PC: variants seen among roughly 807,000 people sequenced by gnomAD.
The protein encoded by PC is pyruvate carboxylase.
A neutral mutation model predicts 107.8 loss-of-function variants in PC; 46 were observed. The ratio of observed to expected loss-of-function variants is 0.43; its 90% confidence interval spans 0.34 to 0.55. The LOEUF (loss-of-function observed/expected upper bound fraction) is 0.55. PC is among the 20% of genes least tolerant of loss of function. The probability of loss-of-function intolerance (pLI) is 0.04; values close to 1 mark genes in which losing one functional copy is unlikely to be tolerated. For synonymous variants in PC, 662 were observed against 684.7 expected, an observed-to-expected ratio of 0.97 and a Z score of 0.52; for missense variants, 1,241 against 1,643.1, an observed-to-expected ratio of 0.76 and a Z score of 4.23.
chr11:66,895,233 T>C (rs1215898793), intron 3 of PC, among the ~76,000 whole-genome samples: 1 of 151,990 alleles, frequency 6.6e-6, no homozygotes, highest in East Asian at 1.9e-4. Flanking sequence ...CTTTGCATGC[T>C]ACCCCCTTCC....
Position 66,870,834 on chromosome 11 carries a change from C to T in PC, c.692G>A (p.Gly231Glu). ...GATGAACTTCTCCACAAACAGCGCC[C>T]CATTCCCAAAGGCGGCCAGAGCCTC... ...YSEALAAFGN[G>E]ALFVEKFIEK... The change falls in exon 8 of 23, where the codon GGG (glycine) becomes GAG (glutamate). Residue 231 changes from glycine (G) to glutamate (E), a missense_variant. Transcript: ENST00000393960. This position sits in a 1 kb window ranked among gnomAD's most constrained non-coding sequence, Gnocchi z 6.1. 1 of 1,613,750 alleles carries T rather than the reference C, an allele frequency of 6.2e-7. No homozygotes were observed. The highest frequency in any genetic ancestry group is 8.5e-7 in the Non-Finnish European group (1 of 1,179,998).
At chr11:66,929,145 A>G (rs1429570762) in intron 3 of PC, among the ~76,000 whole-genome samples, 4 of 152,296 alleles carry the variant, frequency 2.6e-5, no homozygotes, top group Non-Finnish European at 5.9e-5. Flanking sequence ...AAATCCATAA[A>G]GTAGCCTTCT....
At chr11:66,920,633 C>T (rs1591283897) in intron 3 of PC, among the ~76,000 whole-genome samples, 1 of 152,074 alleles carries the variant, frequency 6.6e-6, no homozygotes, top group East Asian at 1.9e-4. Context: ...TTCGCCGCAC[C>T]CTCCTCCAAG....
intron 16 of PC, 52 bp downstream of exon 16, chr11:66,851,738 G>T: frequency 6.3e-7 from 1 of 1,594,164 alleles, no homozygotes; most frequent in Non-Finnish European, 8.6e-7. Context: ...ACATGGCTCG[G>T]TACCCTCTGG....
chr11:66,863,869 G>A lies in PC; in HGVS notation c.1273C>T (p.Leu425=), dbSNP rs1397701009. 2 of 1,614,022 alleles carry A rather than the reference G, an allele frequency of 1.2e-6. No individual in the cohort carries two copies. Among genetic ancestry groups the A allele is most frequent in the Non-Finnish European group, 1.7e-6 (2 of 1,180,042 alleles). Residue 425 remains leucine (L), a synonymous_variant, in exon 12 of 23, where the codon CTG becomes TTG. Coordinates refer to ENST00000393960, the MANE Select transcript of PC (RefSeq NM_001040716.2). ...GAVISPHYDS[L]LVKVIAHGKD... is the part of the protein sequence containing the mutation. ...CCGTGGGCAATGACTTTGACCAGCAGGGAGTCGTAGTGGGGCGAGATGACG... is the reference window on the plus strand; with the variant it reads ...CCGTGGGCAATGACTTTGACCAGCAAGGAGTCGTAGTGGGGCGAGATGACG...
intron 12 of PC, chr11:66,860,362 AC>A: frequency 9.5e-7 from 1 of 1,054,356 alleles, no homozygotes; most frequent in Non-Finnish European, 1.4e-6. Context: ...TGGCCTCCAG[AC>A]CAGGGTAAGG....
At chr11:66,906,777 C>T (rs554500786) in intron 3 of PC, among the ~76,000 whole-genome samples, 1 of 152,306 alleles carries the variant, frequency 6.6e-6, no homozygotes, top group Admixed American at 6.5e-5. Flanking sequence ...GTTTCTCCTC[C>T]TCCTAAACTG....
chr11:66,852,978 G>T lies in PC; in HGVS notation c.1514-142C>A. On this transcript the variant is annotated intron_variant, in intron 13 of 22. Transcript: ENST00000393960. This position sits in a 1 kb window ranked among gnomAD's most constrained non-coding sequence, Gnocchi z 4.7. Reference sequence around the variant, plus strand: ...CCAGCTGGCCCCTGTCCTCTCCAAAGCCAGGGCCTCCTGGGTACAGGCAGT... The same window carrying T: ...CCAGCTGGCCCCTGTCCTCTCCAAATCCAGGGCCTCCTGGGTACAGGCAGT... 4 of 738,548 alleles carry T rather than the reference G, an allele frequency of 5.4e-6. No homozygotes were observed. The highest frequency in any genetic ancestry group is 3.9e-4 in the Middle Eastern group (1 of 2,588). 45.7% of individuals were successfully genotyped at this position (738,548 alleles called of 1,614,324 possible).
At chr11:66,944,047 C>T (rs1181116668) in intron 3 of PC, among the ~76,000 whole-genome samples, 47 of 130,274 alleles carry the variant, frequency 3.6e-4, no homozygotes, top group South Asian at 2.3e-4. Context: ...TTTGGGAGCC[C>T]GAGGCGGGCG....
intron 1 of PC, among the ~76,000 whole-genome samples, chr11:66,955,700 G>C (rs1022319846): frequency 2.6e-5 from 4 of 152,228 alleles, no homozygotes; most frequent in African/African-American, 9.6e-5. Flanking sequence ...GAGCTTACCA[G>C]AACACCATGG....
At chr11:66,927,263 T>C (rs892026903) in intron 3 of PC, among the ~76,000 whole-genome samples, 1 of 146,404 alleles carries the variant, frequency 6.8e-6, no homozygotes, top group African/African-American at 2.5e-5. Context: ...AGTCATGCTT[T>C]AATTAGTCAA....
In PC at chr11:66,870,478, TA is replaced by T; in HGVS notation, c.752-26del. On this transcript the variant is annotated intron_variant, in intron 8 of 22. Transcript: ENST00000393960. This position sits in a 1 kb window ranked among gnomAD's most constrained non-coding sequence, Gnocchi z 6.1. The stretch of plus-strand genomic sequence containing the variant: ...CCTGGGGAGGGAGGTAAACTGGGCT[TA>T]GCTTTTACTGGAATCTACACGCCTC... 6.2e-7 allele frequency: 1 copy of T among 1,610,706 alleles called. No homozygotes were observed. The highest frequency in any genetic ancestry group is 8.5e-7 in the Non-Finnish European group (1 of 1,179,546).
At chr11:66,939,215 AAAC>A (rs1949066679) in intron 3 of PC, among the ~76,000 whole-genome samples, 2 of 152,244 alleles carry the variant, frequency 1.3e-5, no homozygotes, top group African/African-American at 4.8e-5. Context: ...ATACAAATAA[AAAC>A]AATACAGTAT....
intron 3 of PC, among the ~76,000 whole-genome samples, chr11:66,942,947 C>T (rs1399540092): frequency 2.7e-5 from 4 of 150,772 alleles, no homozygotes; most frequent in African/African-American, 4.9e-5. Context: ...ACCCGGGAGG[C>T]GGAGGTTGCG....
chr11:66,880,558 G>C (rs1024563493), intron 3 of PC, among the ~76,000 whole-genome samples: 1 of 152,164 alleles, frequency 6.6e-6, no homozygotes, highest in Non-Finnish European at 1.5e-5. Flanking sequence ...TGACACTCCC[G>C]GTCCTCAGGC....
intron 3 of PC, among the ~76,000 whole-genome samples, chr11:66,872,367 C>T (rs946669404): frequency 3.3e-5 from 5 of 152,098 alleles, no homozygotes; most frequent in African/African-American, 1.2e-4. Context: ...GCCTGATATC[C>T]TAACTGTGAC....
intron 12 of PC, chr11:66,859,600 C>T: frequency 1.2e-6 from 2 of 1,611,206 alleles, no homozygotes; most frequent in Non-Finnish European, 1.7e-6. Context: ...GGGCTAGACC[C>T]CAGCCCCGGG....
chr11:66,866,583 C>T lies in PC; in HGVS notation c.1023-234G>A, dbSNP rs1250676276. Reference sequence around the variant, plus strand: ...CACAGTGCCTGGCAGCTGGAGATGGCCCGCTGAAATACCAGGACCACCTGC... The same window carrying T: ...CACAGTGCCTGGCAGCTGGAGATGGTCCGCTGAAATACCAGGACCACCTGC... On this transcript the variant is annotated intron_variant, in intron 10 of 22. Coordinates refer to ENST00000393960, the MANE Select transcript of PC (RefSeq NM_001040716.2). This position sits in a 1 kb window ranked among gnomAD's most constrained non-coding sequence, Gnocchi z 5.4. Among the ~76,000 whole-genome samples the T allele has an allele frequency of 6.6e-6, 1 of 152,160 alleles. No homozygotes were observed. The highest frequency in any genetic ancestry group is 1.5e-5 in the Non-Finnish European group (1 of 68,018).
At chr11:66,916,798 C>CA (rs1948472840) in intron 3 of PC, among the ~76,000 whole-genome samples, 1 of 151,712 alleles carries the variant, frequency 6.6e-6, no homozygotes. Context: ...ACTAAAAATA[C>CA]AAAAAATTAT....
Sources: allele counts gnomAD v4.1 joint callset (sites outside exome capture counted in the v4.1 genomes callset), GRCh38; gene constraint gnomAD v4.1.1; non-coding constraint Gnocchi (gnomAD v3.1); transcripts MANE v1.5; gene names NCBI Gene and HGNC (gene_info 2026-07-23, HGNC 2026-07-21).